The following ARMH3 variants were observed in gnomAD, a reference collection of about 807,000 sequenced individuals.
ARMH3 encodes the protein armadillo-like helical domain-containing protein 3.
A neutral mutation model predicts 99.1 loss-of-function variants in ARMH3; 60 were observed. The observed-to-expected ratio is 0.61, with a 90% CI of 0.49 to 0.75. The LOEUF is 0.75. Among genes scored for constraint, ARMH3 ranks in the 30% least tolerant of loss-of-function variants. The probability of loss-of-function intolerance (pLI) is 0.00; values close to 1 mark genes in which losing one functional copy is unlikely to be tolerated. For missense variants in ARMH3, 679 were observed against 843.1 expected (o/e 0.81, Z 2.41); for synonymous variants, 285 against 292.8 (o/e 0.97, Z 0.27).
At chr10:101,893,808 T>G (rs2067752371) in intron 23 of ARMH3, among the ~76,000 whole-genome samples, 1 of 152,134 alleles carries the variant, frequency 6.6e-6, no homozygotes, top group Non-Finnish European at 1.5e-5. Context: ...AAATGTACAC[T>G]TGTTTCCTTC....
chr10:101,857,639 A>G (rs2066765693), intron 24 of ARMH3, among the ~76,000 whole-genome samples: 1 of 152,194 alleles, frequency 6.6e-6, no homozygotes, highest in Non-Finnish European at 1.5e-5. Context: ...GAAAGGCTGA[A>G]GTCATCTTCT....
At chr10:102,005,582 A>G (rs2066465659) in intron 14 of ARMH3, among the ~76,000 whole-genome samples, 1 of 152,174 alleles carries the variant, frequency 6.6e-6, no homozygotes, top group Non-Finnish European at 1.5e-5. Flanking sequence ...CATTTCACGT[A>G]CAAACAGTGG....
rs202229022 is a variant in ARMH3 at position 101,847,596 on chromosome 10, G to T, written c.2002C>A (p.Arg668=). The stretch of plus-strand genomic sequence containing the variant: ...AGTGTGTGGAAGGCCAGGTTTCTCC[G>T]GACGTTGGTGCTAATGGATCGAACC... ...ELVRSISTNV[R]RNLAFHTLSQ... The change falls in exon 26 of 26, where the codon CGG becomes AGG. Residue 668 remains arginine (R), a synonymous_variant. Transcript: ENST00000370033. 6.2e-7 allele frequency: 1 copy of T among 1,614,158 alleles called. No homozygotes were observed. Among genetic ancestry groups the T allele is most frequent in the Non-Finnish European group, 8.5e-7 (1 of 1,180,006 alleles).
intron 14 of ARMH3, among the ~76,000 whole-genome samples, chr10:102,002,585 G>A (rs2066386769): frequency 6.6e-6 from 1 of 152,036 alleles, no homozygotes; most frequent in Admixed American, 6.6e-5. Flanking sequence ...TGTTAAGGCA[G>A]AACTATATTC....
At chr10:101,861,942 G>A (rs1329865600) in intron 24 of ARMH3, among the ~76,000 whole-genome samples, 2 of 148,590 alleles carry the variant, frequency 1.3e-5, no homozygotes, top group Non-Finnish European at 1.5e-5. Context: ...CCCAGCACTC[G>A]GGAGGCTGAG....
chr10:101,993,435 C>T, intron 17 of ARMH3, 103 bp downstream of exon 17: 1 of 845,668 alleles, frequency 1.2e-6, no homozygotes, highest in Non-Finnish European at 1.8e-6. Context: ...TTTGGCACAA[C>T]TTTCCACCCA....
At position 101,847,385 on chromosome 10, in the gene ARMH3, A is replaced by G; in HGVS notation, c.*143T>C. ...CTCCTGCCCCTGCTGCCCAAGCTCC[A>G]TTGAAGTGCGGTCTTCACCAAGAGA... On this transcript the variant is annotated 3_prime_UTR_variant, in exon 26 of 26. Coordinates refer to ENST00000370033, the MANE Select transcript of ARMH3 (RefSeq NM_024541.3). 1 of 787,490 alleles carries G rather than the reference A, an allele frequency of 1.3e-6. No homozygotes were observed. The highest frequency in any genetic ancestry group is 2.1e-6 in the Non-Finnish European group (1 of 472,134). The allele number at this position is 787,490 out of a possible 1,614,324, so 48.8% of individuals were successfully genotyped here. A position where few individuals can be genotyped will look rare whatever the true frequency, so the allele number is the denominator to read the frequency against.
intron 23 of ARMH3, among the ~76,000 whole-genome samples, chr10:101,915,699 T>C (rs1332133615): frequency 6.6e-6 from 1 of 152,108 alleles, no homozygotes; most frequent in East Asian, 1.9e-4. Flanking sequence ...AAACCCACAG[T>C]GTGATGAAGC....
intron 20 of ARMH3, among the ~76,000 whole-genome samples, chr10:101,960,346 C>G (rs1277072932): frequency 6.6e-6 from 1 of 152,186 alleles, no homozygotes; most frequent in Non-Finnish European, 1.5e-5. Flanking sequence ...ATCAACTGTT[C>G]AGTGTCCTAT....
chr10:101,916,745 G>A (rs148462661), intron 23 of ARMH3, among the ~76,000 whole-genome samples: 1 of 152,270 alleles, frequency 6.6e-6, no homozygotes, highest in Non-Finnish European at 1.5e-5. Flanking sequence ...CATACACTGG[G>A]TAAAGAAGAT....
chr10:101,931,743 C>A (rs1843732360), intron 23 of ARMH3, among the ~76,000 whole-genome samples: 2 of 151,946 alleles, frequency 1.3e-5, no homozygotes, highest in African/African-American at 4.8e-5. Context: ...CGTAGCAAGA[C>A]CCTACCTCAA....
At chr10:101,909,696 G>C (rs1442113898) in intron 23 of ARMH3, among the ~76,000 whole-genome samples, 1 of 151,958 alleles carries the variant, frequency 6.6e-6, no homozygotes, top group Non-Finnish European at 1.5e-5. Flanking sequence ...CTGGGCTCAA[G>C]TGATCCTCCT....
At chr10:102,055,223 G>A (rs1350111021) in intron 1 of ARMH3, among the ~76,000 whole-genome samples, 3 of 152,010 alleles carry the variant, frequency 2.0e-5, no homozygotes, top group East Asian at 3.9e-4. Context: ...CTTGAACCCC[G>A]GAGGCAGAGG....
intron 24 of ARMH3, among the ~76,000 whole-genome samples, chr10:101,878,587 T>G (rs2067327664): frequency 6.6e-6 from 1 of 151,002 alleles, no homozygotes; most frequent in Non-Finnish European, 1.5e-5. Flanking sequence ...TGCAGTCAGC[T>G]AGAATCGTGT....
chr10:102,039,964 C>T (rs1564877166), intron 2 of ARMH3, 49 bp downstream of exon 2: 1 of 1,518,260 alleles, frequency 6.6e-7, no homozygotes. Context: ...TCATCTTGGA[C>T]TAAGAAACTA....
Position 101,849,788 on chromosome 10 carries a change from G to A in ARMH3, c.1965C>T (p.Phe655=), listed in dbSNP as rs757853479. The change falls in exon 25 of 26, where the codon TTC becomes TTT. Residue 655 remains phenylalanine (F), a synonymous_variant. Coordinates refer to ENST00000370033, the MANE Select transcript of ARMH3 (RefSeq NM_024541.3). ...GTGGGGCACTCACCAGCTCTTTGAA[G>A]AAGGCAGCTTCCTTGTGCTGCTCTG... ...RYSEQHKEAA[F]FKELVRSIST... is the part of the protein sequence containing the mutation. The A allele has an allele frequency of 7.4e-6, 12 of 1,613,904 alleles. No homozygotes were observed. Among genetic ancestry groups the A allele is most frequent in the Middle Eastern group, 1.6e-4 (1 of 6,082 alleles).
At position 102,001,961 on chromosome 10, in the gene ARMH3, T is replaced by A. The variant is rs116929242; in HGVS notation, c.1150+10A>T. On this transcript the variant is annotated intron_variant, in intron 15 of 25. Transcript: ENST00000370033. ...TGACTTCCTGAGCCCCCAAAATAGC[T>A]ATGGCTTACCTTTGGTGTCCTGCAT... 5.7e-3 allele frequency: 9,163 copies of A among 1,613,152 alleles called. 34 individuals are homozygous for A. The highest frequency in any genetic ancestry group is 0.01 in the Middle Eastern group (61 of 6,062).
At chr10:101,985,000 G>A (rs951035666) in intron 19 of ARMH3, among the ~76,000 whole-genome samples, 9 of 151,164 alleles carry the variant, frequency 6.0e-5, no homozygotes, top group South Asian at 2.1e-4. Context: ...CCTGGGAGGC[G>A]GAGGTTGCAG....
chr10:101,943,313 G>A (rs1410252737), intron 22 of ARMH3, among the ~76,000 whole-genome samples: 2 of 152,128 alleles, frequency 1.3e-5, no homozygotes, highest in Non-Finnish European at 2.9e-5. Context: ...AGAAGAAACT[G>A]AGGAGCTCAC....
Sources: gnomAD v4.1 joint callset for allele counts (sites outside exome capture counted in the v4.1 genomes callset) on GRCh38, gnomAD v4.1.1 for gene constraint, MANE v1.5 for transcripts, NCBI Gene and HGNC (gene_info 2026-07-23, HGNC 2026-07-21) for gene names.